Variants in RBM41 observed in about 807,000 individuals in gnomAD.
The protein encoded by RBM41 is RNA binding motif protein 41, also known as RNA-binding protein 41.
A neutral mutation model predicts 30.8 loss-of-function variants in RBM41; 14 were observed. The ratio of observed to expected loss-of-function variants is 0.45; its 90% CI spans 0.30 to 0.71. The LOEUF (loss-of-function observed/expected upper bound fraction) is 0.71. Among genes scored for constraint, RBM41 ranks in the 30% least tolerant of loss-of-function variants. RBM41 has a pLI of 0.08. For synonymous variants in RBM41, 120 were observed against 110.1 expected (o/e 1.09, Z -0.56); for missense variants, 276 against 326.3 (o/e 0.85, Z 1.19).
At chrX:107,089,946 G>A (rs1221268568) in intron 5 of RBM41, among the ~76,000 whole-genome samples, 3 of 111,939 alleles carry the variant, frequency 2.7e-5, no homozygotes, top group East Asian at 5.6e-4. Flanking sequence ...CTTATTATCC[G>A]TAATTCTAAA....
At chrX:107,083,835 C>T (rs757447735) in intron 6 of RBM41, among the ~76,000 whole-genome samples, 7 of 110,092 alleles carry the variant, frequency 6.4e-5, no homozygotes, top group African/African-American at 2.3e-4. Flanking sequence ...GTATATTAAT[C>T]GTGGTTATTT....
chrX:107,065,699 T>G lies in RBM41; in HGVS notation c.*1828A>C. On this transcript the variant is annotated 3_prime_UTR_variant, in exon 8 of 8. Transcript: ENST00000685964. ...TCCATTTGTTCCTGTGGATTTGTCTTACCATCTGGAGTCAGTTCTTTAGTA... is the reference window on the plus strand; with the variant it reads ...TCCATTTGTTCCTGTGGATTTGTCTGACCATCTGGAGTCAGTTCTTTAGTA... 2 of 1,123,545 alleles carry G rather than the reference T, an allele frequency of 1.8e-6. No individual in the cohort carries two copies. Among genetic ancestry groups the G allele is most frequent in the Non-Finnish European group, 2.4e-6 (2 of 851,050 alleles). The allele number at this position is 1,123,545 out of a possible 1,213,427, so 92.6% of individuals were successfully genotyped here. A position where few individuals can be genotyped will look rare whatever the true frequency, so the allele number is the denominator to read the frequency against.
chrX:107,066,586 G>A lies in RBM41; in HGVS notation c.*941C>T. On this transcript the variant is annotated 3_prime_UTR_variant, in exon 8 of 8. Transcript: ENST00000685964. ...TCCTCACTTTATAGATGAAAAATGT[G>A]AGGCTCAGATTAAGTGACTTGCCAA... 1 of 355,802 alleles carries A rather than the reference G, an allele frequency of 2.8e-6. No individual in the cohort carries two copies. The highest frequency in any genetic ancestry group is 3.6e-6 in the Non-Finnish European group (1 of 276,252). 29.3% of individuals were successfully genotyped at this position (355,802 alleles called of 1,213,427 possible).
chrX:107,100,298 C>G (rs1160332443), intron 5 of RBM41, among the ~76,000 whole-genome samples: 1 of 111,098 alleles, frequency 9.0e-6, no homozygotes. Flanking sequence ...GCCACTGTCC[C>G]TGGTGAATAT....
chrX:107,085,682 C>T (rs1921976720), intron 6 of RBM41, among the ~76,000 whole-genome samples: 1 of 111,892 alleles, frequency 8.9e-6, no homozygotes, highest in African/African-American at 3.2e-5. Context: ...AATGAGATTT[C>T]TTAAGTCTAT....
chrX:107,110,433 C>T (rs1451891280), intron 5 of RBM41, among the ~76,000 whole-genome samples: 1 of 111,063 alleles, frequency 9.0e-6, no homozygotes, highest in Non-Finnish European at 1.9e-5. Context: ...CAAAATGTTG[C>T]TGAAAGGAAT....
At chrX:107,082,947 A>T (rs1322627854) in intron 6 of RBM41, among the ~76,000 whole-genome samples, 1 of 111,432 alleles carries the variant, frequency 9.0e-6, no homozygotes, top group Non-Finnish European at 1.9e-5. Flanking sequence ...ATTGTTTTAA[A>T]ATGAGAAAAT....
intron 5 of RBM41, among the ~76,000 whole-genome samples, chrX:107,090,434 G>A (rs1384755533): frequency 2.7e-5 from 3 of 111,783 alleles, no homozygotes; most frequent in Non-Finnish European, 3.8e-5. Context: ...ATGAAATCGT[G>A]TATTTTCATA....
chrX:107,083,806 T>C (rs971973039), intron 6 of RBM41, among the ~76,000 whole-genome samples: 1 of 111,558 alleles, frequency 9.0e-6, no homozygotes, highest in Non-Finnish European at 1.9e-5. Flanking sequence ...GTTATCTACT[T>C]TTATTCATAG....
At chrX:107,079,714 C>G (rs190962845) in intron 6 of RBM41, among the ~76,000 whole-genome samples, 1 of 111,683 alleles carries the variant, frequency 9.0e-6, no homozygotes, top group East Asian at 2.8e-4. Context: ...CATGTCTTGC[C>G]TCTACAACTA....
At chrX:107,079,241 A>C (rs1299088629) in intron 6 of RBM41, among the ~76,000 whole-genome samples, 6 of 112,344 alleles carry the variant, frequency 5.3e-5, no homozygotes, top group Non-Finnish European at 1.1e-4. Context: ...TAAGTTAAAC[A>C]TGAGTTCATC....
At chrX:107,117,271 A>T (rs1053358698) in intron 1 of RBM41, among the ~76,000 whole-genome samples, 2 of 112,270 alleles carry the variant, frequency 1.8e-5, no homozygotes, top group Non-Finnish European at 3.8e-5. Flanking sequence ...GAAGGATAAT[A>T]AGAAGTAGTA....
In RBM41 at chrX:107,105,653, C is replaced by G. The variant is rs1466624538; in HGVS notation, c.595+7744G>C. Among the ~76,000 whole-genome samples, 12 of 111,471 alleles carry G rather than the reference C, an allele frequency of 1.1e-4. No homozygotes were observed. In the Admixed American group the frequency reaches 1.1e-3, roughly 11 times the overall value. ...CTACAGTAACCAAAACAGCATGGTA[C>G]TGGTACCAAAACAGAGATATAGACC... On this transcript the variant is annotated intron_variant, in intron 5 of 7. Transcript: ENST00000685964.
Sources: allele counts gnomAD v4.1 joint callset (sites outside exome capture counted in the v4.1 genomes callset), GRCh38; gene constraint gnomAD v4.1.1; transcripts MANE v1.5; gene names NCBI Gene and HGNC (gene_info 2026-07-23, HGNC 2026-07-21).